The following DMXL2 variants were observed in gnomAD, a reference collection of about 807,000 sequenced individuals.
The protein encoded by DMXL2 is dmX-like protein 2.
DMXL2 carries 103 observed loss-of-function variants against 331.1 expected under a neutral mutation model. That is an observed-to-expected ratio of 0.31 (90% confidence interval 0.27 to 0.37). The LOEUF is 0.37. DMXL2 is among the 10% of genes least tolerant of loss of function. The pLI, the probability that DMXL2 is intolerant of heterozygous loss-of-function variation, is 1.00. For missense variants in DMXL2, 3,171 were observed against 3,642.9 expected (o/e 0.87, Z 3.33); for synonymous variants, 1,281 against 1,252.1 (o/e 1.02, Z -0.49).
chr15:51,460,480 G>C (rs1355898527), intron 33 of DMXL2: 1 of 548,048 alleles, frequency 1.8e-6, no homozygotes, highest in Non-Finnish European at 2.3e-6. Flanking sequence ...GTCTTAACTA[G>C]CTGAATTCAC....
At chr15:51,611,185 G>C (rs184275073) in intron 1 of DMXL2, among the ~76,000 whole-genome samples, 1 of 152,100 alleles carries the variant, frequency 6.6e-6, no homozygotes, top group African/African-American at 2.4e-5. Flanking sequence ...AGCTAAAGTG[G>C]GTTCTTTAAA....
At chr15:51,591,712 GT>G (rs1013540055) in intron 1 of DMXL2, among the ~76,000 whole-genome samples, 4 of 152,164 alleles carry the variant, frequency 2.6e-5, no homozygotes, top group African/African-American at 9.7e-5. Flanking sequence ...ACATGGCCGG[GT>G]ACTCCTCTGA....
Position 51,546,154 on chromosome 15 carries a change from C to T in DMXL2, c.747-388G>A, listed in dbSNP as rs28568676. Among the ~76,000 whole-genome samples the T allele has an allele frequency of 9.2e-3, 1,396 of 152,190 alleles. 22 individuals carry two copies. The highest frequency in any genetic ancestry group is 0.032 in the African/African-American group (1,339 of 41,542). On this transcript the variant is annotated intron_variant, in intron 7 of 43. Transcript: ENST00000560891. ...AGTTTCATCACTTTACATCCTCCTT[C>T]CTATAACCCAAACAGTTACAAACAA...
intron 14 of DMXL2, 146 bp downstream of exon 14, chr15:51,516,932 T>C (rs186897297): frequency 6.3e-5 from 43 of 678,674 alleles, no homozygotes; most frequent in African/African-American, 6.1e-4. Flanking sequence ...AAATCATTAG[T>C]AGATTTTCAC....
At chr15:51,549,078 T>C (rs1053870849) in intron 6 of DMXL2, among the ~76,000 whole-genome samples, 2 of 152,072 alleles carry the variant, frequency 1.3e-5, no homozygotes. Flanking sequence ...GTATACACTG[T>C]ACCCAATTTG....
chr15:51,590,762 G>A (rs950550472), intron 1 of DMXL2, among the ~76,000 whole-genome samples: 3 of 152,268 alleles, frequency 2.0e-5, no homozygotes, highest in African/African-American at 7.2e-5. Context: ...ACAAATGTCT[G>A]TTGAGCAGTT....
intron 15 of DMXL2, among the ~76,000 whole-genome samples, chr15:51,509,263 T>G (rs1011102786): frequency 1.3e-5 from 2 of 150,640 alleles, no homozygotes; most frequent in Non-Finnish European, 3.0e-5. Context: ...AATCAGTGAA[T>G]CCAGGAGCTG....
intron 19 of DMXL2, among the ~76,000 whole-genome samples, 183 bp downstream of exon 19, chr15:51,494,841 C>A (rs1483546897): frequency 1.3e-5 from 2 of 152,064 alleles, no homozygotes; most frequent in Non-Finnish European, 2.9e-5. Context: ...GCAAAAGTCA[C>A]AGAATAGAGC....
At chr15:51,519,543 T>G (rs1596098187) in intron 13 of DMXL2, among the ~76,000 whole-genome samples, 1 of 152,132 alleles carries the variant, frequency 6.6e-6, no homozygotes. Context: ...GGACTAATTA[T>G]AGTTTTATTT....
rs766430660 is a variant in DMXL2 at position 51,488,057 on chromosome 15, C to T, written c.5114G>A (p.Arg1705Gln). Residue 1705 changes from arginine to glutamine, a missense_variant, in exon 22 of 44, where the codon CGA (arginine) becomes CAA (glutamine). Transcript: ENST00000560891. ...AAAAGCATTTTTCAAAGCAGCTTTT[C>T]GCCATCTATCTTCATTAAAGTTGTG... The part of the protein sequence containing the change: ...FSHNFNEDRW[R>Q]KAALKNAFSL... 4.8e-5 allele frequency: 78 copies of T among 1,613,232 alleles called. No individual in the cohort carries two copies. Among genetic ancestry groups the T allele is most frequent in the Non-Finnish European group, 6.1e-5 (72 of 1,179,772 alleles).
chr15:51,498,822 A>C lies in DMXL2; in HGVS notation c.4402T>G (p.Tyr1468Asp). ...TCCTGGATTTGAAACAGCTCTGAAT[A>C]CTGATCCTCTGGTTGACTTACTGTC... ...DQTVSQPEDQ[Y>D]SELFQIQDIP... Residue 1468 changes from tyrosine to aspartate, a missense_variant, in exon 18 of 44, where the codon TAT (tyrosine) becomes GAT (aspartate). By Grantham distance (160) the Tyr-to-Asp change is radical. This residue lies in a region of DMXL2 where 1,674 missense variants were observed against 1,780.2 expected (regional missense o/e 0.94). Coordinates refer to ENST00000560891, the MANE Select transcript of DMXL2 (RefSeq NM_001378457.1). 1 of 1,614,206 alleles carries C rather than the reference A, an allele frequency of 6.2e-7. No individual in the cohort carries two copies. Among genetic ancestry groups the C allele is most frequent in the Non-Finnish European group, 8.5e-7 (1 of 1,180,024 alleles).
chr15:51,613,409 C>A (rs1032159559), intron 1 of DMXL2, among the ~76,000 whole-genome samples: 42 of 152,208 alleles, frequency 2.8e-4, no homozygotes, highest in African/African-American at 9.9e-4. Context: ...TTCAGCCTGT[C>A]CCTCCGTTTA....
Position 51,481,088 on chromosome 15 carries a change from T to C in DMXL2, c.6018A>G (p.Lys2006=). Residue 2006 remains lysine (K), a synonymous_variant, in exon 24 of 44, where the codon AAA becomes AAG. Coordinates refer to ENST00000560891, the MANE Select transcript of DMXL2 (RefSeq NM_001378457.1). ...LVMKSTDARE[K]DKQSDQKASD... is the part of the protein sequence containing the mutation. ...AGGCCTTCTGATCTGATTGTTTATC[T>C]TTTTCCCTGGCATCTGTACTTTTCA... 1 of 1,613,488 alleles carries C rather than the reference T, an allele frequency of 6.2e-7. No individual in the cohort carries two copies. Among genetic ancestry groups the C allele is most frequent in the South Asian group, 1.1e-5 (1 of 91,036 alleles).
At chr15:51,525,097 T>C (rs1438912483) in intron 13 of DMXL2, among the ~76,000 whole-genome samples, 1 of 151,430 alleles carries the variant, frequency 6.6e-6, no homozygotes, top group Middle Eastern at 3.2e-3. Flanking sequence ...GTCATGAGGC[T>C]CCCTTTCCAG....
rs1415898039 is a variant in DMXL2, at chr15:51,478,305, T to C, written c.6799A>G (p.Ile2267Val). 1.1e-5 allele frequency: 17 copies of C among 1,613,294 alleles called. No homozygotes were observed. The highest frequency in any genetic ancestry group is 8.9e-5 in the East Asian group (4 of 44,810). ...HSLAASLSAS[I>V]YQALCDSHSY... ...TGACTGTCACATAATGCTTGGTAAA[T>C]TGATGCAGAAAGTGATGCTGCTAGT... The change falls in exon 26 of 44, where the codon ATT (isoleucine) becomes GTT (valine). Residue 2267 changes from isoleucine to valine, a missense_variant. Physicochemically the swap from Ile to Val is conservative, Grantham distance 29. This residue lies in a region of DMXL2 where 18 missense variants were observed against 40.9 expected (regional missense o/e 0.44). Transcript: ENST00000560891.
chr15:51,592,846 T>C (rs973196156), intron 1 of DMXL2, among the ~76,000 whole-genome samples: 2 of 152,108 alleles, frequency 1.3e-5, no homozygotes, highest in African/African-American at 4.8e-5. Flanking sequence ...ATAAAATCCT[T>C]TATAGACAAG....
chr15:51,470,200 A>G (rs1235552596), intron 29 of DMXL2, among the ~76,000 whole-genome samples: 1 of 152,126 alleles, frequency 6.6e-6, no homozygotes, highest in East Asian at 1.9e-4. Context: ...CAGTGGCACA[A>G]TCATGGCTCA....
In DMXL2 at chr15:51,455,128, T is replaced by C. The variant is rs776963072; in HGVS notation, c.8604+23A>G. ...AACAAAGTGTTGTGTATATGCGCCCTGGGAACATTTAGTGATACTTACCAT... is the reference window on the plus strand; with the variant it reads ...AACAAAGTGTTGTGTATATGCGCCCCGGGAACATTTAGTGATACTTACCAT... On this transcript the variant is annotated intron_variant, in intron 40 of 43. Transcript: ENST00000560891. 9 of 1,589,656 alleles carry C rather than the reference T, an allele frequency of 5.7e-6. No individual in the cohort carries two copies. The South Asian group carries it at 9.9e-5, about 18-fold the overall frequency.
intron 1 of DMXL2, among the ~76,000 whole-genome samples, chr15:51,589,838 T>G (rs1047246421): frequency 2.6e-5 from 4 of 152,216 alleles, no homozygotes; most frequent in Admixed American, 2.6e-4. Flanking sequence ...TTTGATTCAG[T>G]AAATCTCTTT....
Sources: allele counts gnomAD v4.1 joint callset (sites outside exome capture counted in the v4.1 genomes callset), GRCh38; gene constraint gnomAD v4.1.1; regional missense constraint gnomAD v4.1.1; transcripts MANE v1.5; gene names NCBI Gene and HGNC (gene_info 2026-07-23, HGNC 2026-07-21).